The following PRKCQ variants were observed in gnomAD, a reference collection of about 807,000 sequenced individuals.
PRKCQ encodes protein kinase C theta, also known as protein kinase C theta type.
In PRKCQ, 41 loss-of-function variants were observed where a neutral mutation model predicts 91.2. The ratio of observed to expected loss-of-function variants is 0.45; its 90% CI spans 0.35 to 0.58. PRKCQ has a LOEUF of 0.58. Ranked by LOEUF, PRKCQ falls within the 20% of genes least tolerant of loss-of-function variation. The pLI is 0.00. For synonymous variants in PRKCQ, 307 were observed against 316.9 expected, an observed-to-expected ratio of 0.97 and a Z score of 0.33; for missense variants, 673 against 896.5, an observed-to-expected ratio of 0.75 and a Z score of 3.18.
intron 2 of PRKCQ, among the ~76,000 whole-genome samples, chr10:6,513,807 G>T (rs1838614673): frequency 6.6e-6 from 1 of 152,190 alleles, no homozygotes; most frequent in Non-Finnish European, 1.5e-5. Flanking sequence ...TGAACTCTGA[G>T]CATCTGGCAG....
intron 1 of PRKCQ, among the ~76,000 whole-genome samples, chr10:6,537,638 T>G (rs549599404): frequency 1.3e-5 from 2 of 152,162 alleles, no homozygotes; most frequent in South Asian, 4.1e-4. Flanking sequence ...ACTGGCTGAG[T>G]TGGTTATGGT....
At chr10:6,446,409 A>T (rs1834308570) in intron 15 of PRKCQ, among the ~76,000 whole-genome samples, 1 of 123,234 alleles carries the variant, frequency 8.1e-6, no homozygotes. Flanking sequence ...TATGTTGGCC[A>T]GGCTGGAGTG....
At chr10:6,492,435 T>A (rs529163220) in intron 7 of PRKCQ, among the ~76,000 whole-genome samples, 1 of 152,314 alleles carries the variant, frequency 6.6e-6, no homozygotes, top group South Asian at 2.1e-4. Flanking sequence ...TCTCACGTAA[T>A]CCTCAGAATA....
chr10:6,426,186 T>C (rs1329298903), downstream of PRKCQ, among the ~76,000 whole-genome samples: 1 of 151,310 alleles, frequency 6.6e-6, no homozygotes, highest in Non-Finnish European at 1.5e-5. Flanking sequence ...ACCAACCCCA[T>C]TGCTCTAGTG....
chr10:6,478,502 T>C (rs1054931462), intron 12 of PRKCQ, among the ~76,000 whole-genome samples: 1 of 152,002 alleles, frequency 6.6e-6, no homozygotes, highest in African/African-American at 2.4e-5. Flanking sequence ...CAACACCGAG[T>C]GGGAATGCAG....
intron 17 of PRKCQ, among the ~76,000 whole-genome samples, chr10:6,429,901 G>A (rs1175954878): frequency 7.1e-6 from 1 of 140,276 alleles, no homozygotes; most frequent in African/African-American, 2.5e-5. Flanking sequence ...ACTTAATTTT[G>A]TAGAGATGGG....
At chr10:6,431,136 A>G (rs601622) in intron 16 of PRKCQ, among the ~76,000 whole-genome samples, 198 bp from the exon 17 acceptor site, 149,403 of 152,276 alleles carry the variant, frequency 0.98, 73,355 homozygotes, top group South Asian at 1. Context: ...GGAGTCTGAC[A>G]CGTTATCTTC....
intron 7 of PRKCQ, among the ~76,000 whole-genome samples, chr10:6,496,339 TCCC>T (rs1837599608): frequency 6.6e-6 from 1 of 151,952 alleles, no homozygotes; most frequent in South Asian, 2.1e-4. Flanking sequence ...TAGCCCAGTT[TCCC>T]CCCTCCATTA....
At chr10:6,559,797 G>A (rs1473064068) in intron 1 of PRKCQ, among the ~76,000 whole-genome samples, 5 of 146,364 alleles carry the variant, frequency 3.4e-5, no homozygotes, top group African/African-American at 1.0e-4. Flanking sequence ...CCTCTTCACC[G>A]TCTTTGTTTT....
chr10:6,398,314 T>A, the PRKCQ span, among the ~76,000 whole-genome samples: 1 of 152,328 alleles, frequency 6.6e-6, no homozygotes, highest in East Asian at 1.9e-4. Flanking sequence ...AATTAAGAAG[T>A]GTAAGTCTTC....
chr10:6,440,413 C>A (rs1000896774), intron 16 of PRKCQ, among the ~76,000 whole-genome samples: 2 of 152,204 alleles, frequency 1.3e-5, no homozygotes, highest in Non-Finnish European at 2.9e-5. Flanking sequence ...TTCTGCAGAA[C>A]CTAGTAGAGT....
chr10:6,444,042 T>C (rs948228771), intron 15 of PRKCQ, among the ~76,000 whole-genome samples: 7 of 152,286 alleles, frequency 4.6e-5, no homozygotes, highest in African/African-American at 1.7e-4. Context: ...TGGAGATTGA[T>C]TGCACAACTA....
chr10:6,509,478 G>A (rs56065922), intron 3 of PRKCQ, among the ~76,000 whole-genome samples: 19,335 of 152,072 alleles, frequency 0.13, 1,274 homozygotes, highest in South Asian at 0.16. Flanking sequence ...AAAATAATTA[G>A]GCTCACTGCA....
At chr10:6,564,975 G>A (rs763160523) in intron 1 of PRKCQ, among the ~76,000 whole-genome samples, 24 of 152,204 alleles carry the variant, frequency 1.6e-4, no homozygotes, top group South Asian at 4.1e-4. Context: ...TTTAAAAAGC[G>A]GTTTTCAGAA....
the PRKCQ span, among the ~76,000 whole-genome samples, chr10:6,397,635 C>T: frequency 6.6e-6 from 1 of 152,102 alleles, no homozygotes; most frequent in African/African-American, 2.4e-5. Flanking sequence ...ATCTAAGATA[C>T]CCTTGCTGGC....
the PRKCQ span, among the ~76,000 whole-genome samples, chr10:6,402,656 C>A: frequency 6.6e-6 from 1 of 152,184 alleles, no homozygotes; most frequent in Admixed American, 6.5e-5. Flanking sequence ...CTATTAAGGG[C>A]CGGGCAGGGT....
chr10:6,502,582 G>A (rs1275955700), intron 4 of PRKCQ, among the ~76,000 whole-genome samples: 3 of 152,202 alleles, frequency 2.0e-5, no homozygotes, highest in African/African-American at 2.4e-5. Context: ...CACTGCAGTA[G>A]GGGCAGAGGC....
rs1308352563 is a variant in PRKCQ at position 6,508,918 on chromosome 10, G to C, written c.319-1422C>G. Among the ~76,000 whole-genome samples the C allele has an allele frequency of 2.6e-5, 4 of 152,166 alleles. No individual in the cohort carries two copies. The South Asian group carries it at 6.2e-4, about 24-fold the overall frequency. On this transcript the variant is annotated intron_variant, in intron 3 of 17. Coordinates refer to ENST00000263125, the MANE Select transcript of PRKCQ (RefSeq NM_006257.5). ...AAAACAAAAGGTGTCTCTCAATACG[G>C]CGTTGAGAAACATGAAAGGCAAATT...
rs2130735790 is a variant in PRKCQ, at chr10:6,470,594, G to A, written c.1354-6190C>T. 1.3e-5 allele frequency among the ~76,000 whole-genome samples: 2 copies of A among 152,344 alleles called. 1 individual carries two copies. Among genetic ancestry groups the A allele is most frequent in the East Asian group, 3.9e-4 (2 of 5,190 alleles). ...GACTGGTGGTGGAGAAGAGGTTCCT[G>A]AAGTGACAGAAGTTTTAAGGGGGAG... On this transcript the variant is annotated intron_variant, in intron 12 of 17. Coordinates refer to ENST00000263125, the MANE Select transcript of PRKCQ (RefSeq NM_006257.5).
Sources: gnomAD v4.1 joint callset for allele counts (sites outside exome capture counted in the v4.1 genomes callset) on GRCh38, gnomAD v4.1.1 for gene constraint, MANE v1.5 for transcripts, NCBI Gene and HGNC (gene_info 2026-07-23, HGNC 2026-07-21) for gene names.